The following GALNT13 variants were observed in gnomAD, a reference collection of about 807,000 sequenced individuals.
GALNT13 encodes the protein UDP-GalNAc:polypeptide N-acetylgalactosaminyltransferase 13.
In GALNT13, 28 loss-of-function variants were observed where a neutral mutation model predicts 64.2. The ratio of observed to expected loss-of-function variants is 0.44; its 90% CI spans 0.32 to 0.60. The LOEUF (loss-of-function observed/expected upper bound fraction) is 0.60. Among genes scored for constraint, GALNT13 ranks in the 20% least tolerant of loss-of-function variants. The probability of loss-of-function intolerance (pLI) is 0.05; values close to 1 mark genes in which losing one functional copy is unlikely to be tolerated. For missense variants in GALNT13, 577 were observed against 669.8 expected (o/e 0.86, Z 1.53); for synonymous variants, 214 against 224.6 (o/e 0.95, Z 0.42).
the GALNT13 span, among the ~76,000 whole-genome samples, chr2:153,428,767 A>G: frequency 6.6e-6 from 1 of 152,172 alleles, no homozygotes; most frequent in Non-Finnish European, 1.5e-5. Flanking sequence ...TAAGGAAAAA[A>G]ACTTCAGTGG....
the GALNT13 span, among the ~76,000 whole-genome samples, chr2:153,373,275 A>C: frequency 6.6e-6 from 1 of 152,132 alleles, no homozygotes; most frequent in Non-Finnish European, 1.5e-5. Flanking sequence ...CACAAGCATG[A>C]CTTCACTTTT....
the GALNT13 span, among the ~76,000 whole-genome samples, chr2:153,795,005 G>A: frequency 1.3e-5 from 2 of 152,048 alleles, no homozygotes; most frequent in South Asian, 4.1e-4. Context: ...CAAAACACAG[G>A]TGACACTTAA....
intron 4 of GALNT13, among the ~76,000 whole-genome samples, chr2:154,232,946 T>G (rs1450243751): frequency 7.2e-6 from 1 of 138,924 alleles, no homozygotes; most frequent in Non-Finnish European, 1.5e-5. Context: ...GGTGGCTGAG[T>G]AGAAGGATGC....
the GALNT13 span, among the ~76,000 whole-genome samples, chr2:153,820,929 A>G: frequency 6.6e-6 from 1 of 152,194 alleles, no homozygotes; most frequent in African/African-American, 2.4e-5. Context: ...TAGTCAGATA[A>G]AAAAACAAAA....
chr2:153,559,826 C>G, the GALNT13 span, among the ~76,000 whole-genome samples: 1 of 151,988 alleles, frequency 6.6e-6, no homozygotes. Context: ...ATTTGGCTAA[C>G]TTTTTCAGTA....
At chr2:154,192,585 T>A (rs1686655718) in intron 4 of GALNT13, among the ~76,000 whole-genome samples, 1 of 152,182 alleles carries the variant, frequency 6.6e-6, no homozygotes, top group South Asian at 2.1e-4. Context: ...CAAACAAACA[T>A]GGTGTAAAAC....
chr2:154,127,709 C>CACACACGT (rs531891757), intron 3 of GALNT13, among the ~76,000 whole-genome samples: 1 of 125,912 alleles, frequency 7.9e-6, no homozygotes, highest in African/African-American at 2.8e-5. Context: ...CACACACACA[C>CACACACGT]GTGTGTGTGT....
At chr2:154,285,002 G>C (rs536245012) in intron 8 of GALNT13, among the ~76,000 whole-genome samples, 1 of 152,090 alleles carries the variant, frequency 6.6e-6, no homozygotes, top group Non-Finnish European at 1.5e-5. Context: ...TTTTTTCATA[G>C]ATGTTAGTGA....
chr2:154,084,917 T>G (rs904416608), intron 3 of GALNT13, among the ~76,000 whole-genome samples: 2 of 151,976 alleles, frequency 1.3e-5, no homozygotes, highest in Non-Finnish European at 2.9e-5. Context: ...TTTCACTGTT[T>G]ACTTTTTTCT....
At chr2:153,250,315 A>C in the GALNT13 span, among the ~76,000 whole-genome samples, 629 of 152,378 alleles carry the variant, frequency 4.1e-3, 6 homozygotes, top group Admixed American at 6.0e-3. Flanking sequence ...GAGAAACGCA[A>C]ATCAAAACCA....
the GALNT13 span, among the ~76,000 whole-genome samples, chr2:153,540,466 C>T: frequency 2.0e-5 from 3 of 152,340 alleles, no homozygotes; most frequent in Admixed American, 1.3e-4. Flanking sequence ...AGCTCCCACA[C>T]AGAGTCCCCA....
At chr2:154,270,782 G>A (rs757677080) in intron 8 of GALNT13, among the ~76,000 whole-genome samples, 1 of 151,702 alleles carries the variant, frequency 6.6e-6, no homozygotes, top group Non-Finnish European at 1.5e-5. Flanking sequence ...TGATATGTTA[G>A]ACCATGTTTT....
At chr2:154,216,718 G>GA (rs1298168504) in intron 4 of GALNT13, among the ~76,000 whole-genome samples, 2 of 145,614 alleles carry the variant, frequency 1.4e-5, no homozygotes, top group African/African-American at 2.5e-5. Context: ...TAATAATTAA[G>GA]AAAAAATATT....
intron 3 of GALNT13, among the ~76,000 whole-genome samples, chr2:153,954,938 T>C (rs1051102747): frequency 2.5e-4 from 38 of 151,814 alleles, no homozygotes; most frequent in Non-Finnish European, 4.3e-4. Context: ...GAACTATTTA[T>C]ACAAACACGA....
intron 11 of GALNT13, among the ~76,000 whole-genome samples, chr2:154,428,955 A>T (rs1700589055): frequency 6.6e-6 from 1 of 152,050 alleles, no homozygotes; most frequent in Non-Finnish European, 1.5e-5. Flanking sequence ...GTGGTGCTGC[A>T]AACTGTACCT....
intron 9 of GALNT13, among the ~76,000 whole-genome samples, chr2:154,387,991 C>G (rs35750753): frequency 0.1 from 15,353 of 152,162 alleles, 954 homozygotes; most frequent in Non-Finnish European, 0.14. Flanking sequence ...TACAAGGAAG[C>G]TCCATACCAC....
At chr2:153,973,865 CAA>C (rs1302779550) in intron 3 of GALNT13, among the ~76,000 whole-genome samples, 1 of 151,924 alleles carries the variant, frequency 6.6e-6, no homozygotes, top group Non-Finnish European at 1.5e-5. Context: ...CTTGTCTTAC[CAA>C]GTGAAATACA....
rs147751815 is a variant in GALNT13 at position 154,107,104 on chromosome 2, C to T, written c.143-33233C>T. On this transcript the variant is annotated intron_variant, in intron 3 of 12. Coordinates refer to ENST00000392825, the MANE Select transcript of GALNT13 (RefSeq NM_052917.4). ...GCACATGTCTACTCCCCTTTGCCTTCGACTTTGAGTGGAAGCAGCCTAAGG... is the reference window on the plus strand; with the variant it reads ...GCACATGTCTACTCCCCTTTGCCTTTGACTTTGAGTGGAAGCAGCCTAAGG... Among the ~76,000 whole-genome samples the T allele has an allele frequency of 7.2e-3, 1,098 of 152,146 alleles. 17 individuals carry two copies. Among genetic ancestry groups the T allele is most frequent in the African/African-American group, 0.025 (1,049 of 41,512 alleles).
At chr2:153,967,513 G>A (rs1485145394) in intron 3 of GALNT13, among the ~76,000 whole-genome samples, 1 of 152,170 alleles carries the variant, frequency 6.6e-6, no homozygotes, top group Non-Finnish European at 1.5e-5. Context: ...AGTCTTGGTG[G>A]ATTTGGGGAA....
Sources: allele counts gnomAD v4.1 joint callset (sites outside exome capture counted in the v4.1 genomes callset), GRCh38; gene constraint gnomAD v4.1.1; transcripts MANE v1.5; gene names NCBI Gene and HGNC (gene_info 2026-07-23, HGNC 2026-07-21).